Variants in TNIK observed in about 807,000 individuals in gnomAD.
TNIK encodes TRAF2 and NCK interacting kinase, also known as TRAF2 and NCK-interacting protein kinase.
A neutral mutation model predicts 191.3 loss-of-function variants in TNIK; 49 were observed. The observed-to-expected ratio is 0.26, with a 90% confidence interval of 0.20 to 0.32. The LOEUF is 0.32. Ranked by LOEUF, TNIK falls within the 10% of genes least tolerant of loss-of-function variation. The pLI is 1.00. For synonymous variants in TNIK, 594 were observed against 600.9 expected (o/e 0.99, Z 0.17); for missense variants, 1,155 against 1,702.3 (o/e 0.68, Z 5.66).
intron 21 of TNIK, among the ~76,000 whole-genome samples, chr3:171,106,082 G>A (rs529113866): frequency 6.6e-6 from 1 of 152,288 alleles, no homozygotes; most frequent in African/African-American, 2.4e-5. Context: ...CACTCTGGGT[G>A]GTGAGGTGGC....
At chr3:171,306,500 T>A (rs1753470264) in intron 2 of TNIK, among the ~76,000 whole-genome samples, 1 of 152,140 alleles carries the variant, frequency 6.6e-6, no homozygotes, top group South Asian at 2.1e-4. Flanking sequence ...GGAAGGCAGG[T>A]TATAGATGCC....
intron 2 of TNIK, among the ~76,000 whole-genome samples, chr3:171,365,005 G>C (rs1027586619): frequency 1.3e-5 from 2 of 151,836 alleles, no homozygotes; most frequent in Non-Finnish European, 2.9e-5. Context: ...AGAATAGTTC[G>C]TGGGGATAAT....
intron 2 of TNIK, among the ~76,000 whole-genome samples, chr3:171,329,950 A>G (rs1756231698): frequency 6.6e-6 from 1 of 152,210 alleles, no homozygotes; most frequent in Non-Finnish European, 1.5e-5. Context: ...TACGACTTTG[A>G]AAATCTGTGC....
intron 17 of TNIK, among the ~76,000 whole-genome samples, chr3:171,124,429 C>G (rs1728193020): frequency 6.6e-6 from 1 of 152,096 alleles, no homozygotes; most frequent in Admixed American, 6.5e-5. Context: ...GTATTATTAG[C>G]TTATCTGGCA....
At chr3:171,363,360 C>A (rs1472797290) in intron 2 of TNIK, among the ~76,000 whole-genome samples, 1 of 152,160 alleles carries the variant, frequency 6.6e-6, no homozygotes, top group Non-Finnish European at 1.5e-5. Context: ...AACACTCAGT[C>A]CTAATTAGAT....
At chr3:171,325,685 G>A (rs766876690) in intron 2 of TNIK, among the ~76,000 whole-genome samples, 8 of 151,056 alleles carry the variant, frequency 5.3e-5, no homozygotes, top group Non-Finnish European at 1.0e-4. Flanking sequence ...ATTGTGGCCA[G>A]TACAAACAGC....
At position 171,283,122 on chromosome 3, in the gene TNIK, C is replaced by T. The variant is rs576221242; in HGVS notation, c.124-54901G>A. On this transcript the variant is annotated intron_variant, in intron 2 of 32. Transcript: ENST00000436636. ...CTGGATATTTTCCACAGTTTCTTGT[C>T]AGGAGGTGGGCAGAGAAGTTAAATT... is the stretch of plus-strand genomic sequence containing the variant. Among the ~76,000 whole-genome samples, 3 of 150,020 alleles carry T rather than the reference C, an allele frequency of 2.0e-5. No homozygotes were observed. The East Asian group carries it at 5.9e-4, about 29-fold the overall frequency.
intron 1 of TNIK, among the ~76,000 whole-genome samples, chr3:171,409,358 T>A (rs1722105829): frequency 1.3e-5 from 2 of 152,162 alleles, no homozygotes; most frequent in Admixed American, 1.3e-4. Flanking sequence ...ATGGAAGGTA[T>A]TTGATAAACG....
chr3:171,244,078 T>A (rs1197604190), intron 2 of TNIK, among the ~76,000 whole-genome samples: 3 of 149,022 alleles, frequency 2.0e-5, no homozygotes, highest in Admixed American at 1.3e-4. Flanking sequence ...TTTTTTTTTT[T>A]AAGACAGAGT....
chr3:171,132,701 T>G (rs960895747), intron 15 of TNIK, among the ~76,000 whole-genome samples: 5 of 152,216 alleles, frequency 3.3e-5, no homozygotes, highest in Non-Finnish European at 7.3e-5. Context: ...GAATAACATC[T>G]ACTGAGAATT....
intron 2 of TNIK, among the ~76,000 whole-genome samples, chr3:171,248,488 C>T (rs1745862730): frequency 6.6e-6 from 1 of 152,152 alleles, no homozygotes; most frequent in Non-Finnish European, 1.5e-5. Context: ...AATGATTAAA[C>T]TAAGAAATCA....
At chr3:171,228,025 T>G in intron 3 of TNIK, 140 bp downstream of exon 3, 1 of 931,332 alleles carries the variant, frequency 1.1e-6, no homozygotes, top group Non-Finnish European at 1.6e-6. Context: ...TAAGCTATGA[T>G]GTTCAACAGG....
Position 171,460,187 on chromosome 3 carries a change from C to T in TNIK, c.-124G>A. 8.1e-7 allele frequency: 1 copy of T among 1,241,052 alleles called. No homozygotes were observed. The highest frequency in any genetic ancestry group is 1.1e-6 in the Non-Finnish European group (1 of 885,434). The allele number at this position is 1,241,052 out of a possible 1,614,324, so 76.9% of individuals were successfully genotyped here. ...TCGCGCCAGAGGCCCCGGGCCCAGC[C>T]TCCCCCGCCCACCCCAGCCCCACAG... is the stretch of plus-strand genomic sequence containing the variant. On this transcript the variant is annotated 5_prime_UTR_variant, in exon 1 of 33. Coordinates refer to ENST00000436636, the MANE Select transcript of TNIK (RefSeq NM_015028.4). This position sits in a 1 kb window ranked among gnomAD's most constrained non-coding sequence, Gnocchi z 6.8.
At position 171,194,705 on chromosome 3, in the gene TNIK, A is replaced by G; in HGVS notation, c.307-70T>C. ...TGCTTCCATTAAGTTGGGGTAAGAA[A>G]GCACAAGCAATTGGCTGCTTTGGAA... On this transcript the variant is annotated intron_variant, in intron 4 of 32. Transcript: ENST00000436636. 5.0e-6 allele frequency: 7 copies of G among 1,401,578 alleles called. No homozygotes were observed. The South Asian group carries it at 6.1e-5, about 12-fold the overall frequency. The allele number at this position is 1,401,578 out of a possible 1,614,324, so 86.8% of individuals were successfully genotyped here.
chr3:171,457,087 T>A (rs749798820), intron 1 of TNIK, among the ~76,000 whole-genome samples: 1 of 152,198 alleles, frequency 6.6e-6, no homozygotes, highest in Admixed American at 6.5e-5. Flanking sequence ...AAGATTTAGT[T>A]TATCTCTGAG....
intron 1 of TNIK, among the ~76,000 whole-genome samples, chr3:171,376,739 A>AGAT (rs1187041764): frequency 2.9e-4 from 43 of 146,124 alleles, no homozygotes; most frequent in East Asian, 4.0e-4. Flanking sequence ...ACAGATAGAT[A>AGAT]GATAGATGAT....
Position 171,128,757 on chromosome 3 carries a change from T to C in TNIK, c.1730A>G (p.Gln577Arg). Reference sequence around the variant, plus strand: ...GAGCATGGGGGGTGTTCGAGCAGGCTGAACTCCACTAATGCTGAAGGACTC... The same window carrying C: ...GAGCATGGGGGGTGTTCGAGCAGGCCGAACTCCACTAATGCTGAAGGACTC... ...RSESFSISGVQPARTPPMLRP... is the reference protein window; with the variant it reads ...RSESFSISGVRPARTPPMLRP... The change falls in exon 16 of 33, where the codon CAG becomes CGG. Residue 577 changes from glutamine to arginine, a missense_variant. By Grantham distance (43) the Gln-to-Arg change is conservative. This residue lies in a region of TNIK where 735 missense variants were observed against 848.0 expected (regional missense o/e 0.87). Coordinates refer to ENST00000436636, the MANE Select transcript of TNIK (RefSeq NM_015028.4). The C allele has an allele frequency of 6.2e-7, 1 of 1,613,500 alleles. No individual in the cohort carries two copies. Among genetic ancestry groups the C allele is most frequent in the Non-Finnish European group, 8.5e-7 (1 of 1,179,800 alleles).
At chr3:171,244,735 T>C (rs757458255) in intron 2 of TNIK, among the ~76,000 whole-genome samples, 4 of 151,876 alleles carry the variant, frequency 2.6e-5, no homozygotes, top group Non-Finnish European at 4.4e-5. Flanking sequence ...ATTTCATTAA[T>C]TGACACACCC....
intron 4 of TNIK, among the ~76,000 whole-genome samples, chr3:171,196,978 A>G (rs936303142): frequency 3.3e-5 from 5 of 152,074 alleles, no homozygotes; most frequent in African/African-American, 1.2e-4. Flanking sequence ...GATGGTCTCG[A>G]TCTCCTGACT....
Sources: allele counts gnomAD v4.1 joint callset (sites outside exome capture counted in the v4.1 genomes callset), GRCh38; gene constraint gnomAD v4.1.1; regional missense constraint gnomAD v4.1.1; non-coding constraint Gnocchi (gnomAD v3.1); transcripts MANE v1.5; gene names NCBI Gene and HGNC (gene_info 2026-07-23, HGNC 2026-07-21).